AXL: variants seen among roughly 807,000 people sequenced by gnomAD.
AXL encodes tyrosine-protein kinase receptor UFO.
AXL carries 52 observed loss-of-function variants against 104.5 expected under a neutral mutation model. The ratio of observed to expected loss-of-function variants is 0.50; its 90% CI spans 0.40 to 0.63. The LOEUF (loss-of-function observed/expected upper bound fraction) is 0.63, where lower values mean the gene tolerates loss of function less well. AXL is among the 20% of genes least tolerant of loss of function. AXL has a pLI of 0.00. For missense variants in AXL, 1,024 were observed against 1,188.5 expected (o/e 0.86, Z 2.04); for synonymous variants, 455 against 473.7 (o/e 0.96, Z 0.51).
At chr19:41,222,306 G>GTC (rs150098018) in intron 4 of AXL, among the ~76,000 whole-genome samples, 8,329 of 151,850 alleles carry the variant, frequency 0.055, 295 homozygotes, top group Non-Finnish European at 0.08. Context: ...CTTTGTATGT[G>GTC]TCTCTCTCTC....
chr19:41,223,145 A>G (rs2033823161), intron 4 of AXL, among the ~76,000 whole-genome samples: 1 of 151,020 alleles, frequency 6.6e-6, no homozygotes. Context: ...AAATACAAAA[A>G]TTAGCCAGGC....
intron 12 of AXL, among the ~76,000 whole-genome samples, chr19:41,247,728 C>T (rs891515803): frequency 3.3e-5 from 5 of 151,752 alleles, no homozygotes; most frequent in African/African-American, 1.2e-4. Flanking sequence ...GGACTATAGG[C>T]GCGTACCACC....
chr19:41,243,021 T>G lies in AXL; in HGVS notation c.1445+6T>G, dbSNP rs1442593385. On this transcript the variant is annotated splice_donor_region_variant and intron_variant, in intron 11 of 19. Coordinates refer to ENST00000301178, the MANE Select transcript of AXL (RefSeq NM_021913.5). ...AAGAAGGAGACCCGTTATGGGTGAG[T>G]TGGAACCACATGGGGAGGCTGTGTG... is the stretch of plus-strand genomic sequence containing the variant. 6.2e-7 allele frequency: 1 copy of G among 1,614,094 alleles called. No homozygotes were observed. The highest frequency in any genetic ancestry group is 1.3e-5 in the African/African-American group (1 of 75,030).
intron 4 of AXL, among the ~76,000 whole-genome samples, chr19:41,224,647 G>A (rs953218256): frequency 3.9e-5 from 6 of 152,182 alleles, no homozygotes; most frequent in South Asian, 2.1e-4. Context: ...GCCTCCCAAA[G>A]TGTTGGGATT....
chr19:41,241,844 A>AAAAC (rs1016564274), intron 10 of AXL, among the ~76,000 whole-genome samples: 3 of 152,156 alleles, frequency 2.0e-5, no homozygotes, highest in East Asian at 1.9e-4. Flanking sequence ...CCTGTCTCAA[A>AAAAC]AAACAAACAA....
intron 6 of AXL, among the ~76,000 whole-genome samples, chr19:41,232,380 G>C (rs900251253): frequency 1.3e-5 from 2 of 152,172 alleles, no homozygotes; most frequent in Non-Finnish European, 1.5e-5. Context: ...CCAGCACTTT[G>C]GGAGGCCAAG....
Position 41,256,616 on chromosome 19 carries a change from G to T in AXL, c.2196+5G>T, listed in dbSNP as rs1351908275. On this transcript the variant is annotated splice_donor_5th_base_variant and intron_variant, in intron 18 of 19. Coordinates refer to ENST00000301178, the MANE Select transcript of AXL (RefSeq NM_021913.5). ...TACACCAGCAAGAGCGATGTGGTAGGTGCACTCCCGCCAAGAGTGGGGAAC... is the reference window on the plus strand; with the variant it reads ...TACACCAGCAAGAGCGATGTGGTAGTTGCACTCCCGCCAAGAGTGGGGAAC... 24 of 1,611,948 alleles carry T rather than the reference G, an allele frequency of 1.5e-5. No individual in the cohort carries two copies. The highest frequency in any genetic ancestry group is 2.0e-5 in the Non-Finnish European group (24 of 1,178,210).
At chr19:41,229,530 G>T (rs190919482) in intron 4 of AXL, among the ~76,000 whole-genome samples, 79 of 152,334 alleles carry the variant, frequency 5.2e-4, no homozygotes, top group African/African-American at 1.9e-3. Flanking sequence ...CTCCCAAAGT[G>T]CTGGGATTAC....
rs959890067 is a variant in AXL, at chr19:41,219,837, C to T, written c.85+360C>T. Reference sequence around the variant, plus strand: ...GGAAGAAATCTTTCCGAAGGGGCACCGAGTCAGGCAGTGGGATGAGGAGGG... The same window carrying T: ...GGAAGAAATCTTTCCGAAGGGGCACTGAGTCAGGCAGTGGGATGAGGAGGG... On this transcript the variant is annotated intron_variant, in intron 1 of 19. Coordinates refer to ENST00000301178, the MANE Select transcript of AXL (RefSeq NM_021913.5). 5.3e-5 allele frequency among the ~76,000 whole-genome samples: 8 copies of T among 151,684 alleles called. No homozygotes were observed. The East Asian group carries it at 1.4e-3, about 26-fold the overall frequency.
In AXL at chr19:41,254,964, C is replaced by A. The variant is rs561088065; in HGVS notation, c.2036+1256C>A. On this transcript the variant is annotated intron_variant, in intron 17 of 19. Coordinates refer to ENST00000301178, the MANE Select transcript of AXL (RefSeq NM_021913.5). ...TACACTAAAATATACACATGCAGCT[C>A]AGCTCGATGAATTTTTATGGGTATA... Among the ~76,000 whole-genome samples the A allele has an allele frequency of 3.9e-5, 6 of 152,306 alleles. No individual in the cohort carries two copies. In the East Asian group the frequency reaches 1.2e-3, roughly 29 times the overall value.
At chr19:41,243,054 A>G in intron 11 of AXL, 39 bp downstream of exon 11, 1 of 1,613,362 alleles carries the variant, frequency 6.2e-7, no homozygotes, top group Non-Finnish European at 8.5e-7. Flanking sequence ...GTGGCCTGGG[A>G]TGGAGAGGCT....
intron 1 of AXL, 56 bp downstream of exon 1, chr19:41,219,533 G>T: frequency 2.7e-6 from 4 of 1,466,462 alleles, no homozygotes; most frequent in Non-Finnish European, 2.8e-6. Flanking sequence ...TGGGGCAGGG[G>T]TAGGAGGTGG....
Position 41,246,540 on chromosome 19 carries a change from TA to T in AXL, c.1538-1961del, listed in dbSNP as rs528632596. ...AACATGGCAAAACCCCATCTCTATT[TA>T]AAAAAAAAAAAAGAAACACAAAAAT... On this transcript the variant is annotated intron_variant, in intron 12 of 19. Coordinates refer to ENST00000301178, the MANE Select transcript of AXL (RefSeq NM_021913.5). Among the ~76,000 whole-genome samples the T allele has an allele frequency of 2.5e-3, 358 of 141,016 alleles. 1 individual carries two copies. The highest frequency in any genetic ancestry group is 0.01 in the South Asian group (45 of 4,412). The allele number at this position is 141,016 out of a possible 152,430, so 92.5% of individuals were successfully genotyped here.
At chr19:41,222,565 G>A (rs867765986) in intron 4 of AXL, among the ~76,000 whole-genome samples, 2 of 152,162 alleles carry the variant, frequency 1.3e-5, no homozygotes, top group East Asian at 1.9e-4. Flanking sequence ...TGTCCAGCCC[G>A]GTCCCCACTG....
intron 4 of AXL, among the ~76,000 whole-genome samples, chr19:41,222,742 T>C (rs1033523489): frequency 8.0e-5 from 12 of 149,936 alleles, no homozygotes; most frequent in Non-Finnish European, 1.6e-4. Flanking sequence ...CCATCTCTAC[T>C]AAAAATACAA....
At chr19:41,221,535 TG>T in intron 3 of AXL, 1 of 490,118 alleles carries the variant, frequency 2.0e-6, no homozygotes. Context: ...GAGGCCATTC[TG>T]GTCTTCAGAT....
At position 41,245,811 on chromosome 19, in the gene AXL, C is replaced by T. The variant is rs1471125006; in HGVS notation, c.1537+2104C>T. ...AGCTAGGTCTCTTCCTAGCATACAGCGAGAAAGCCGCCAGGGCCCCAGGGG... is the reference window on the plus strand; with the variant it reads ...AGCTAGGTCTCTTCCTAGCATACAGTGAGAAAGCCGCCAGGGCCCCAGGGG... On this transcript the variant is annotated intron_variant, in intron 12 of 19. Transcript: ENST00000301178. Among the ~76,000 whole-genome samples the T allele has an allele frequency of 2.6e-5, 4 of 151,552 alleles. No homozygotes were observed. In the East Asian group the frequency reaches 5.8e-4, roughly 22 times the overall value.
At chr19:41,230,879 C>T in intron 4 of AXL, 88 bp from the exon 5 acceptor site, 1 of 1,387,170 alleles carries the variant, frequency 7.2e-7, no homozygotes, top group Non-Finnish European at 1.0e-6. Context: ...CCTGGTCAGG[C>T]AGGCCATGGT....
intron 4 of AXL, among the ~76,000 whole-genome samples, chr19:41,223,092 C>T (rs1359733602): frequency 4.6e-5 from 7 of 151,364 alleles, no homozygotes; most frequent in East Asian, 2.0e-4. Flanking sequence ...GCTGGGAGTT[C>T]GAGACCAGCC....
Sources: gnomAD v4.1 joint callset for allele counts (sites outside exome capture counted in the v4.1 genomes callset) on GRCh38, gnomAD v4.1.1 for gene constraint, MANE v1.5 for transcripts, NCBI Gene and HGNC (gene_info 2026-07-23, HGNC 2026-07-21) for gene names.